The following CENPE variants were observed in gnomAD, a reference collection of about 807,000 sequenced individuals.
CENPE encodes centromere protein E.
In CENPE, 145 loss-of-function variants were observed where a neutral mutation model predicts 336.1. The ratio of observed to expected loss-of-function variants is 0.43; its 90% CI spans 0.38 to 0.50. The LOEUF (loss-of-function observed/expected upper bound fraction) is 0.50, where lower values mean the gene tolerates loss of function less well. Ranked by LOEUF, CENPE falls within the 20% of genes least tolerant of loss-of-function variation. The pLI is 0.00. For missense variants in CENPE, 2,719 were observed against 3,023.3 expected (o/e 0.90, Z 2.36); for synonymous variants, 1,013 against 984.8 (o/e 1.03, Z -0.54).
At chr4:103,160,984 G>A in intron 20 of CENPE, 102 bp downstream of exon 20, 1 of 1,070,802 alleles carries the variant, frequency 9.3e-7, no homozygotes, top group Non-Finnish European at 1.3e-6. Context: ...AAAAGTCAGA[G>A]TATAATGAAT....
At chr4:103,136,739 A>G (rs1578582650) in intron 39 of CENPE, among the ~76,000 whole-genome samples, 1 of 152,166 alleles carries the variant, frequency 6.6e-6, no homozygotes, top group East Asian at 1.9e-4. Flanking sequence ...GTGCTGGTTT[A>G]TGTTTATAGT....
rs10541516 is a variant in CENPE at position 103,163,771 on chromosome 4, TAAAA to T, written c.1648-222_1648-219del. Reference sequence around the variant, plus strand: ...TATCACCCAAAACATATCAAACAAATAAAAAAAAACCCCTCAGCATGACCCCACC... The same window carrying T: ...TATCACCCAAAACATATCAAACAAATAAAAACCCCTCAGCATGACCCCACC... On this transcript the variant is annotated intron_variant, in intron 16 of 48. Transcript: ENST00000265148. Among the ~76,000 whole-genome samples the T allele has an allele frequency of 0.16, 24,067 of 150,726 alleles. 2,292 individuals are homozygous for T. The highest frequency in any genetic ancestry group is 0.2 in the Non-Finnish European group (13,703 of 67,534).
intron 16 of CENPE, among the ~76,000 whole-genome samples, chr4:103,163,848 A>T (rs1201948256): frequency 6.6e-6 from 1 of 152,126 alleles, no homozygotes; most frequent in African/African-American, 2.4e-5. Context: ...GTCAATAGCA[A>T]ATTAGTATGC....
Position 103,158,402 on chromosome 4 carries a change from T to C in CENPE, c.2931A>G (p.Gln977=). 2 of 1,607,112 alleles carry C rather than the reference T, an allele frequency of 1.2e-6. No homozygotes were observed. The highest frequency in any genetic ancestry group is 1.7e-6 in the Non-Finnish European group (2 of 1,176,754). Residue 977 remains glutamine, a synonymous_variant, in exon 24 of 49, where the codon CAA becomes CAG. Transcript: ENST00000265148. ...RNALESLKQH[Q]ETINTLKSKI... ...TCGATTTTAGTGTATTAATTGTTTC[T>C]TGATGTTGTTTCAGAGACTCAAGAG...
intron 46 of CENPE, among the ~76,000 whole-genome samples, chr4:103,113,471 TAA>T (rs1749768699): frequency 7.1e-6 from 1 of 141,422 alleles, no homozygotes. Context: ...ATATAATATA[TAA>T]CTTATATATT....
At chr4:103,112,365 A>G (rs1196569531) in intron 46 of CENPE, among the ~76,000 whole-genome samples, 1 of 147,186 alleles carries the variant, frequency 6.8e-6, no homozygotes, top group Non-Finnish European at 1.5e-5. Flanking sequence ...ATATGTAAGT[A>G]TATACACATA....
At chr4:103,149,443 C>T (rs1269216693) in intron 26 of CENPE, 35 bp from the exon 27 acceptor site, 1 of 1,502,566 alleles carries the variant, frequency 6.7e-7, no homozygotes, top group Admixed American at 2.3e-5. Context: ...TACCATTTTA[C>T]TTATATTCTC....
chr4:103,145,831 T>C lies in CENPE; in HGVS notation c.4411A>G (p.Lys1471Glu). The C allele has an allele frequency of 6.3e-7, 1 of 1,589,196 alleles. No homozygotes were observed. The highest frequency in any genetic ancestry group is 8.5e-7 in the Non-Finnish European group (1 of 1,171,980). ...LKENIKEIVAKHLETEEELKV... is the reference protein window; with the variant it reads ...LKENIKEIVAEHLETEEELKV... ...ACATGGTGAAAGATGAAACCTACTT[T>C]AGCTACAATTTCTTTTATGTTTTCT... Residue 1471 changes from lysine (K) to glutamate (E), a missense_variant and splice_region_variant, in exon 30 of 49, where the codon AAA (lysine) becomes GAA (glutamate). This residue lies in a region of CENPE where 2,437 missense variants were observed against 2,513.3 expected (regional missense o/e 0.97). Coordinates refer to ENST00000265148, the MANE Select transcript of CENPE (RefSeq NM_001813.3).
intron 1 of CENPE, 74 bp downstream of exon 1, chr4:103,198,190 G>T (rs547707811): frequency 4.9e-6 from 7 of 1,419,288 alleles, no homozygotes; most frequent in Middle Eastern, 4.8e-4. Context: ...TGGAAACATC[G>T]TAGGCCTCGC....
At chr4:103,195,809 A>G in intron 4 of CENPE, 111 bp downstream of exon 4, 1 of 726,172 alleles carries the variant, frequency 1.4e-6, no homozygotes, top group Admixed American at 2.1e-5. Context: ...TAATCAAACA[A>G]TAACTGTAAA....
chr4:103,130,457 A>G (rs1751488399), intron 42 of CENPE, among the ~76,000 whole-genome samples: 1 of 152,196 alleles, frequency 6.6e-6, no homozygotes. Context: ...GGCAAATCTA[A>G]CAAATATGTA....
chr4:103,128,781 A>T (rs771843574), intron 42 of CENPE, among the ~76,000 whole-genome samples: 1 of 152,198 alleles, frequency 6.6e-6, no homozygotes, highest in Non-Finnish European at 1.5e-5. Context: ...AAGAGGAAAG[A>T]CCTAAAAACC....
In CENPE at chr4:103,145,910, T is replaced by C. The variant is rs1464142908; in HGVS notation, c.4332A>G (p.Lys1444=). Residue 1444 remains lysine, a synonymous_variant, in exon 30 of 49, where the codon AAA becomes AAG. Coordinates refer to ENST00000265148, the MANE Select transcript of CENPE (RefSeq NM_001813.3). ...HDEMKSVAKE[K]DDLQRLQEVL... ...CTTCTTGCAGCCTCTGTAGGTCATC[T>C]TTCTCCTTAGCTACAGATTTCATTT... The C allele has an allele frequency of 6.2e-7, 1 of 1,613,864 alleles. No homozygotes were observed. Among genetic ancestry groups the C allele is most frequent in the South Asian group, 1.1e-5 (1 of 91,066 alleles).
intron 39 of CENPE, among the ~76,000 whole-genome samples, chr4:103,137,526 T>C (rs1289049761): frequency 6.6e-6 from 1 of 152,150 alleles, no homozygotes; most frequent in Non-Finnish European, 1.5e-5. Context: ...GGGATTCCTG[T>C]TTTTGGTTTT....
chr4:103,129,263 A>T (rs1365221777), intron 42 of CENPE, among the ~76,000 whole-genome samples: 1 of 152,204 alleles, frequency 6.6e-6, no homozygotes, highest in East Asian at 1.9e-4. Flanking sequence ...AGATGAGTTC[A>T]ATGGTGAACT....
intron 24 of CENPE, among the ~76,000 whole-genome samples, chr4:103,154,699 T>A (rs1753829481): frequency 6.6e-6 from 1 of 152,160 alleles, no homozygotes; most frequent in South Asian, 2.1e-4. Flanking sequence ...AGAAGGTACT[T>A]CAACTACCAC....
intron 16 of CENPE, among the ~76,000 whole-genome samples, chr4:103,169,436 CA>C (rs1361986642): frequency 2.0e-5 from 3 of 152,072 alleles, no homozygotes; most frequent in African/African-American, 4.8e-5. Flanking sequence ...CAAAGGTTAC[CA>C]ATCAAATTCA....
intron 21 of CENPE, among the ~76,000 whole-genome samples, chr4:103,159,625 T>C (rs1377102960): frequency 6.6e-6 from 1 of 151,866 alleles, no homozygotes; most frequent in Admixed American, 6.6e-5. Context: ...TTTAAAGTGT[T>C]TTCTAACTTT....
At chr4:103,109,143 G>A (rs1162789906) in intron 47 of CENPE, 54 bp from the exon 48 acceptor site, 2 of 1,349,388 alleles carry the variant, frequency 1.5e-6, no homozygotes, top group Admixed American at 2.4e-5. Context: ...TTCTTAAGAT[G>A]TATTCACATT....
Sources: gnomAD v4.1 joint callset for allele counts (sites outside exome capture counted in the v4.1 genomes callset) on GRCh38, gnomAD v4.1.1 for gene constraint, gnomAD v4.1.1 regional missense constraint, MANE v1.5 for transcripts, NCBI Gene and HGNC (gene_info 2026-07-23, HGNC 2026-07-21) for gene names.